MAP4K3: variants seen among roughly 807,000 people sequenced by gnomAD.
The protein encoded by MAP4K3 is mitogen-activated protein kinase kinase kinase kinase 3.
A neutral mutation model predicts 143.5 loss-of-function variants in MAP4K3; 94 were observed. The ratio of observed to expected loss-of-function variants is 0.65; its 90% CI spans 0.55 to 0.78. MAP4K3 has a LOEUF of 0.78. Among genes scored for constraint, MAP4K3 ranks in the 30% least tolerant of loss-of-function variants. The pLI is 0.00. For synonymous variants in MAP4K3, 416 were observed against 347.2 expected (o/e 1.20, Z -2.20); for missense variants, 1,077 against 1,068.1 (o/e 1.01, Z -0.12).
intron 29 of MAP4K3, 61 bp from the exon 30 acceptor site, chr2:39,258,648 A>G (rs1240420186): frequency 7.8e-6 from 9 of 1,148,908 alleles, no homozygotes; most frequent in Non-Finnish European, 1.2e-5. Flanking sequence ...GCATGGAAAC[A>G]TTGAAGAAAA....
chr2:39,262,911 C>G (rs1291394672), intron 28 of MAP4K3, among the ~76,000 whole-genome samples: 2 of 151,976 alleles, frequency 1.3e-5, no homozygotes, highest in Non-Finnish European at 2.9e-5. Flanking sequence ...TCGAGACCAG[C>G]CTAGCCAAGA....
In MAP4K3 at chr2:39,303,420, T is replaced by C. The variant is rs555922260; in HGVS notation, c.1120-3619A>G. On this transcript the variant is annotated intron_variant, in intron 15 of 33. Transcript: ENST00000263881. ...GCCTGAAAATGGAATAATATGACTT[T>C]TGTACTGCAGGCTCGGAAATGAATA... Among the ~76,000 whole-genome samples, 4 of 152,318 alleles carry C rather than the reference T, an allele frequency of 2.6e-5. No individual in the cohort carries two copies. The South Asian group carries it at 8.3e-4, about 32-fold the overall frequency.
At chr2:39,308,062 A>G in intron 14 of MAP4K3, 57 bp from the exon 15 acceptor site, 1 of 1,225,796 alleles carries the variant, frequency 8.2e-7, no homozygotes, top group Non-Finnish European at 1.2e-6. Context: ...AAAGCCACAA[A>G]TTCACAAAGG....
Position 39,333,722 on chromosome 2 carries a change from G to A in MAP4K3, c.415-148C>T. 3 of 478,190 alleles carry A rather than the reference G, an allele frequency of 6.3e-6. No homozygotes were observed. In the South Asian group the frequency reaches 1.6e-4, roughly 25 times the overall value. 29.6% of individuals were successfully genotyped at this position (478,190 alleles called of 1,614,324 possible). A position where few individuals can be genotyped will look rare whatever the true frequency, so the allele number is the denominator to read the frequency against. On this transcript the variant is annotated intron_variant, in intron 6 of 33. Transcript: ENST00000263881. ...TTAATTAAAATGTCGTATCATTAGA[G>A]TCATAGGTAAATCTACTGTCCACTT...
intron 2 of MAP4K3, among the ~76,000 whole-genome samples, chr2:39,363,898 C>G (rs1170584091): frequency 6.9e-6 from 1 of 144,194 alleles, no homozygotes; most frequent in Non-Finnish European, 1.5e-5. Context: ...AAATGGCCAA[C>G]AGATCTATAT....
chr2:39,336,861 T>A, intron 6 of MAP4K3, 59 bp downstream of exon 6: 2 of 733,598 alleles, frequency 2.7e-6, no homozygotes, highest in Non-Finnish European at 4.3e-6. Context: ...CTCAAAACAA[T>A]TTGATCAGAG....
At chr2:39,308,064 T>A (rs1682782687) in intron 14 of MAP4K3, 59 bp from the exon 15 acceptor site, 5 of 1,202,890 alleles carry the variant, frequency 4.2e-6, no homozygotes, top group Non-Finnish European at 5.9e-6. Context: ...AGCCACAAAT[T>A]CACAAAGGGA....
intron 2 of MAP4K3, among the ~76,000 whole-genome samples, chr2:39,372,062 T>C (rs1250800135): frequency 1.3e-5 from 2 of 151,836 alleles, no homozygotes; most frequent in Non-Finnish European, 2.9e-5. Context: ...ACCAAAAAAC[T>C]ATTAAACTGA....
intron 24 of MAP4K3, among the ~76,000 whole-genome samples, chr2:39,274,962 A>G (rs865776413): frequency 6.6e-6 from 1 of 152,186 alleles, no homozygotes; most frequent in Non-Finnish European, 1.5e-5. Flanking sequence ...TGTTTCCTAT[A>G]AAGTCTAGAG....
chr2:39,356,413 A>G (rs1291144288), intron 2 of MAP4K3, 74 bp from the exon 3 acceptor site: 1 of 790,556 alleles, frequency 1.3e-6, no homozygotes, highest in Admixed American at 2.2e-5. Flanking sequence ...AAACACAATA[A>G]AATAATTATA....
At chr2:39,318,871 T>C (rs1319921951) in intron 12 of MAP4K3, among the ~76,000 whole-genome samples, 4 of 152,186 alleles carry the variant, frequency 2.6e-5, no homozygotes, top group Non-Finnish European at 5.9e-5. Context: ...GTCAAGTTTG[T>C]ACGGGAAGGA....
intron 1 of MAP4K3, among the ~76,000 whole-genome samples, chr2:39,418,034 C>A (rs1667432514): frequency 6.6e-6 from 1 of 151,958 alleles, no homozygotes; most frequent in South Asian, 2.1e-4. Context: ...AACCCTATCT[C>A]CACTAAAAAA....
At chr2:39,375,073 C>A (rs1342059188) in intron 2 of MAP4K3, among the ~76,000 whole-genome samples, 1 of 152,074 alleles carries the variant, frequency 6.6e-6, no homozygotes, top group Non-Finnish European at 1.5e-5. Context: ...GCAAACTGGG[C>A]AATATAGTGA....
chr2:39,436,910 G>T lies in MAP4K3; in HGVS notation c.78C>A (p.Thr26=). The T allele has an allele frequency of 6.2e-7, 1 of 1,611,758 alleles. No individual in the cohort carries two copies. The highest frequency in any genetic ancestry group is 8.5e-7 in the Non-Finnish European group (1 of 1,179,278). ...CCTTTACCTTGTAGACGTCGCCGTA[G>T]GTGCCGCTGCCGATGCGCTGAATCA... ...FELIQRIGSG[T]YGDVYKARNV... Residue 26 remains threonine (T), a synonymous_variant, in exon 1 of 34, where the codon ACC becomes ACA. Coordinates refer to ENST00000263881, the MANE Select transcript of MAP4K3 (RefSeq NM_003618.4).
chr2:39,381,922 TATTTCAGTATACACGTCCCCCACCAC>T (rs768472628), intron 1 of MAP4K3, among the ~76,000 whole-genome samples: 125 of 152,286 alleles, frequency 8.2e-4, no homozygotes, highest in Non-Finnish European at 1.4e-3. Context: ...TCTCACACCT[TATTTCAGTATACACGTCCCCCACCAC>T]ATACTCCCAT....
chr2:39,350,348 G>A (rs1277490358), intron 3 of MAP4K3, among the ~76,000 whole-genome samples: 1 of 152,154 alleles, frequency 6.6e-6, no homozygotes, highest in Non-Finnish European at 1.5e-5. Context: ...TGTGAAAAGT[G>A]TGCCATGGCT....
At chr2:39,355,141 G>A (rs528593626) in intron 3 of MAP4K3, among the ~76,000 whole-genome samples, 13 of 152,228 alleles carry the variant, frequency 8.5e-5, no homozygotes, top group African/African-American at 3.1e-4. Context: ...GAGGCAGGCA[G>A]ATCACGAGGT....
chr2:39,281,825 C>T (rs1681543096), intron 22 of MAP4K3, among the ~76,000 whole-genome samples: 1 of 150,406 alleles, frequency 6.6e-6, no homozygotes, highest in South Asian at 2.1e-4. Flanking sequence ...ATATAAATTA[C>T]AAATATAAAG....
intron 2 of MAP4K3, among the ~76,000 whole-genome samples, chr2:39,361,617 C>CTTG (rs1665772746): frequency 6.6e-6 from 1 of 151,488 alleles, no homozygotes; most frequent in East Asian, 1.9e-4. Flanking sequence ...TAAGAATAAG[C>CTTG]TTTAAAACCC....
Sources: allele counts gnomAD v4.1 joint callset (sites outside exome capture counted in the v4.1 genomes callset), GRCh38; gene constraint gnomAD v4.1.1; transcripts MANE v1.5; gene names NCBI Gene and HGNC (gene_info 2026-07-23, HGNC 2026-07-21).